The following DHRS7B variants were observed in gnomAD, a reference collection of about 807,000 sequenced individuals.
The protein encoded by DHRS7B is peroxisomal reductase activating PPAR-gamma.
A neutral mutation model predicts 26.4 loss-of-function variants in DHRS7B; 24 were observed. That is an observed-to-expected ratio of 0.91 (90% CI 0.66 to 1.28). DHRS7B has a LOEUF of 1.28. Ranked by LOEUF, DHRS7B falls within the 50% of genes most tolerant of loss-of-function variation. The probability of loss-of-function intolerance (pLI) is 0.00; values close to 1 mark genes in which losing one functional copy is unlikely to be tolerated. For synonymous variants in DHRS7B, 142 were observed against 166.4 expected (o/e 0.85, Z 1.13); for missense variants, 368 against 419.4 (o/e 0.88, Z 1.07).
At chr17:21,169,481 C>T (rs576546149) in intron 1 of DHRS7B, among the ~76,000 whole-genome samples, 4 of 152,254 alleles carry the variant, frequency 2.6e-5, no homozygotes, top group Admixed American at 6.5e-5. Context: ...AGCTCAGAGG[C>T]GAGGACACTG....
intron 3 of DHRS7B, among the ~76,000 whole-genome samples, chr17:21,178,544 C>T (rs967110802): frequency 2.6e-5 from 4 of 152,202 alleles, no homozygotes; most frequent in African/African-American, 9.7e-5. Context: ...CATCCTGATG[C>T]CCCTACTGGC....
intron 1 of DHRS7B, among the ~76,000 whole-genome samples, chr17:21,150,478 G>A (rs927936859): frequency 5.9e-5 from 9 of 152,044 alleles, no homozygotes; most frequent in Non-Finnish European, 1.3e-4. Flanking sequence ...TTATCCGGGC[G>A]TGGTGGTGCA....
At chr17:21,136,538 T>TG (rs1363400944) in intron 1 of DHRS7B, among the ~76,000 whole-genome samples, 19 of 129,790 alleles carry the variant, frequency 1.5e-4, no homozygotes, top group African/African-American at 4.8e-4. Flanking sequence ...AAAGGTTTTG[T>TG]GGGTTTTTTT....
At chr17:21,163,021 C>A (rs1229634875) in intron 1 of DHRS7B, among the ~76,000 whole-genome samples, 2 of 151,882 alleles carry the variant, frequency 1.3e-5, no homozygotes, top group Non-Finnish European at 2.9e-5. Context: ...CATGGAGAAA[C>A]CCCGTCTCTA....
chr17:21,187,049 T>G (rs1974650459), intron 5 of DHRS7B, among the ~76,000 whole-genome samples: 1 of 150,412 alleles, frequency 6.6e-6, no homozygotes, highest in East Asian at 1.9e-4. Flanking sequence ...AGAAAGCTAC[T>G]TGCAGGAACA....
intron 1 of DHRS7B, chr17:21,127,284 G>A (rs1973121380): frequency 4.7e-6 from 2 of 426,722 alleles, no homozygotes; most frequent in Non-Finnish European, 4.2e-6. Flanking sequence ...GGCGCTGTGT[G>A]TGAAAGGCCT....
Position 21,191,101 on chromosome 17 carries a change from T to G in DHRS7B, c.926T>G (p.Phe309Cys). 1 of 1,614,124 alleles carries G rather than the reference T, an allele frequency of 6.2e-7. No homozygotes were observed. The change falls in exon 7 of 7, where the codon TTC becomes TGC. Residue 309 changes from phenylalanine (F) to cysteine (C), a missense_variant. Physicochemically the swap from Phe to Cys is radical, Grantham distance 205. Transcript: ENST00000395511. ...CGAACTCTGGCTCCTGGGCTCTTCT[T>G]CAGCCTCATGGCCTCCAGGGCCAGA... ...YLRTLAPGLF[F>C]SLMASRARKE...
chr17:21,155,441 C>A (rs758259120), intron 1 of DHRS7B, among the ~76,000 whole-genome samples: 81 of 152,136 alleles, frequency 5.3e-4, no homozygotes, highest in Non-Finnish European at 9.6e-4. Context: ...AGACAATAAT[C>A]TTTAATGTAT....
chr17:21,172,009 T>C lies in DHRS7B; in HGVS notation c.21-9T>C, dbSNP rs1487068639. On this transcript the variant is annotated splice_polypyrimidine_tract_variant and intron_variant, in intron 1 of 6. Coordinates refer to ENST00000395511, the MANE Select transcript of DHRS7B (RefSeq NM_015510.5). ...TTGTCACTGGTGTGTTTGGTTTTGG[T>C]TCTTCCAGGAAGAGTCTGCCGAAGG... 2.5e-6 allele frequency: 4 copies of C among 1,614,196 alleles called. No individual in the cohort carries two copies. The highest frequency in any genetic ancestry group is 2.5e-6 in the Non-Finnish European group (3 of 1,180,016).
chr17:21,168,783 C>T (rs1384553957), intron 1 of DHRS7B: 6 of 985,362 alleles, frequency 6.1e-6, no homozygotes, highest in Non-Finnish European at 4.8e-6. Flanking sequence ...GGATCCCATT[C>T]ACCCGGCGCC....
At chr17:21,166,058 T>C (rs960785178) in intron 1 of DHRS7B, 15 of 723,356 alleles carry the variant, frequency 2.1e-5, no homozygotes, top group Non-Finnish European at 2.2e-5. Flanking sequence ...CTGCCTCCTG[T>C]TCATTGTCAC....
chr17:21,140,536 A>ACACC (rs1973481934), intron 1 of DHRS7B, among the ~76,000 whole-genome samples: 2 of 144,720 alleles, frequency 1.4e-5, no homozygotes, highest in East Asian at 2.1e-4. Flanking sequence ...ACACACACAC[A>ACACC]CACCCTGACA....
chr17:21,161,866 T>G (rs1462689234), intron 1 of DHRS7B, among the ~76,000 whole-genome samples: 2 of 152,122 alleles, frequency 1.3e-5, no homozygotes, highest in African/African-American at 4.8e-5. Context: ...AGTCAGTTCT[T>G]CCCACATGTG....
At chr17:21,167,197 GTGGA>G (rs1008659226) in intron 1 of DHRS7B, among the ~76,000 whole-genome samples, 3 of 152,096 alleles carry the variant, frequency 2.0e-5, no homozygotes, top group African/African-American at 7.2e-5. Context: ...CCTTTAAAGG[GTGGA>G]TGAGCTGCAC....
At chr17:21,142,458 AC>A (rs1427170033) in intron 1 of DHRS7B, among the ~76,000 whole-genome samples, 7 of 152,162 alleles carry the variant, frequency 4.6e-5, no homozygotes, top group Non-Finnish European at 1.0e-4. Context: ...TGAGTATAAA[AC>A]AATATAAAAC....
At chr17:21,142,119 A>G (rs904974804) in intron 1 of DHRS7B, among the ~76,000 whole-genome samples, 2 of 152,148 alleles carry the variant, frequency 1.3e-5, no homozygotes, top group Non-Finnish European at 2.9e-5. Context: ...GTGTCTTAAA[A>G]TCCGAGCTCT....
intron 1 of DHRS7B, among the ~76,000 whole-genome samples, chr17:21,165,085 C>T (rs923332050): frequency 1.3e-5 from 2 of 152,138 alleles, no homozygotes; most frequent in South Asian, 2.1e-4. Flanking sequence ...CCTATTGGAG[C>T]GATCATCCCC....
At chr17:21,185,842 C>T (rs1974620017) in intron 5 of DHRS7B, among the ~76,000 whole-genome samples, 1 of 140,240 alleles carries the variant, frequency 7.1e-6, no homozygotes, top group African/African-American at 2.4e-5. Flanking sequence ...CGTGTACCAG[C>T]ACACCTGGCT....
chr17:21,168,302 T>C (rs926033199), intron 1 of DHRS7B, among the ~76,000 whole-genome samples: 1 of 152,212 alleles, frequency 6.6e-6, no homozygotes, highest in Non-Finnish European at 1.5e-5. Flanking sequence ...GATAAATGGC[T>C]CACTCTGGGG....
Sources: allele counts gnomAD v4.1 joint callset (sites outside exome capture counted in the v4.1 genomes callset), GRCh38; gene constraint gnomAD v4.1.1; transcripts MANE v1.5; gene names NCBI Gene and HGNC (gene_info 2026-07-23, HGNC 2026-07-21).